The following IDO2 variants were observed in gnomAD, a reference collection of about 807,000 sequenced individuals.
IDO2 encodes the protein indoleamine 2,3-dioxygenase-like 1 protein.
Under a neutral mutation model 45.1 loss-of-function variants are expected in IDO2, and 46 were observed. That is an observed-to-expected ratio of 1.02 (90% CI 0.80 to 1.30). The LOEUF (loss-of-function observed/expected upper bound fraction) is 1.30, where lower values mean the gene tolerates loss of function less well. Among genes scored for constraint, IDO2 ranks in the 50% most tolerant of loss-of-function variants. The pLI, the probability that IDO2 is intolerant of heterozygous loss-of-function variation, is 0.00. For missense variants in IDO2, 544 were observed against 491.8 expected (o/e 1.11, Z -1.00); for synonymous variants, 218 against 184.9 (o/e 1.18, Z -1.45).
chr8:40,011,448 TC>T (rs1172607958), intron 9 of IDO2, among the ~76,000 whole-genome samples: 1 of 152,192 alleles, frequency 6.6e-6, no homozygotes, highest in Non-Finnish European at 1.5e-5. Context: ...TCATGTTTCT[TC>T]CCCATAAAAT....
intron 8 of IDO2, among the ~76,000 whole-genome samples, chr8:39,995,454 G>T (rs1052808285): frequency 6.6e-6 from 1 of 151,220 alleles, no homozygotes; most frequent in East Asian, 2.0e-4. Flanking sequence ...ATAATTTTTT[G>T]TATTTTTACT....
intron 3 of IDO2, among the ~76,000 whole-genome samples, chr8:39,969,458 T>TC (rs1165338704): frequency 1.3e-5 from 2 of 152,052 alleles, no homozygotes; most frequent in Admixed American, 6.6e-5. Flanking sequence ...CCCATCTCTC[T>TC]CCCCCTCCTC....
At chr8:39,982,187 T>TCTG (rs1256327075) in intron 4 of IDO2, among the ~76,000 whole-genome samples, 2 of 151,716 alleles carry the variant, frequency 1.3e-5, no homozygotes, top group African/African-American at 4.8e-5. Context: ...CTAGCTATCA[T>TCTG]CTCTCTATCA....
chr8:39,971,620 C>T (rs1585405661), intron 3 of IDO2, among the ~76,000 whole-genome samples: 2 of 152,140 alleles, frequency 1.3e-5, no homozygotes, highest in South Asian at 4.1e-4. Flanking sequence ...ATTCATGATT[C>T]ATGGAGGACG....
intron 3 of IDO2, among the ~76,000 whole-genome samples, chr8:39,978,556 G>C (rs1286684419): frequency 2.0e-5 from 3 of 152,096 alleles, no homozygotes; most frequent in African/African-American, 7.2e-5. Flanking sequence ...GGGGGTGGAG[G>C]GGGTGTGAAA....
intron 1 of IDO2, among the ~76,000 whole-genome samples, chr8:39,942,573 G>C (rs1486052598): frequency 2.0e-5 from 3 of 152,036 alleles, no homozygotes; most frequent in Non-Finnish European, 4.4e-5. Context: ...CTGGGAGGTA[G>C]AGGTTTCAGT....
intron 8 of IDO2, among the ~76,000 whole-genome samples, chr8:39,994,303 G>T (rs1801996958): frequency 6.6e-6 from 1 of 150,744 alleles, no homozygotes; most frequent in Non-Finnish European, 1.5e-5. Flanking sequence ...TGTTGCCCAG[G>T]CTGGGGTGCG....
intron 2 of IDO2, among the ~76,000 whole-genome samples, chr8:39,962,379 A>G (rs565743938): frequency 6.6e-5 from 10 of 152,328 alleles, no homozygotes; most frequent in Middle Eastern, 3.4e-3. Flanking sequence ...CTGACTTTAT[A>G]TCTTAAAGTC....
At chr8:39,944,083 C>T (rs574590964) in intron 1 of IDO2, among the ~76,000 whole-genome samples, 5 of 142,830 alleles carry the variant, frequency 3.5e-5, no homozygotes, top group Admixed American at 3.4e-4. Flanking sequence ...CTGGGAGCTT[C>T]CTGCTTTTTT....
chr8:39,965,895 TG>T (rs1808077509), intron 3 of IDO2, among the ~76,000 whole-genome samples: 2 of 53,660 alleles, frequency 3.7e-5, no homozygotes, highest in Non-Finnish European at 1.2e-4. Context: ...TACCTTAATT[TG>T]GGACTTCTAT....
intron 1 of IDO2, among the ~76,000 whole-genome samples, chr8:39,942,723 TC>T (rs1405793586): frequency 6.6e-6 from 1 of 152,206 alleles, no homozygotes; most frequent in East Asian, 1.9e-4. Flanking sequence ...GATGCCAGCT[TC>T]CAGGAATACA....
intron 1 of IDO2, among the ~76,000 whole-genome samples, chr8:39,936,515 A>G (rs969161512): frequency 1.3e-5 from 2 of 152,208 alleles, no homozygotes; most frequent in African/African-American, 4.8e-5. Flanking sequence ...GGACTTAAGA[A>G]CAGAAGCCAT....
chr8:39,951,281 T>A (rs1213313854), intron 2 of IDO2, among the ~76,000 whole-genome samples: 1 of 150,906 alleles, frequency 6.6e-6, no homozygotes, highest in Non-Finnish European at 1.5e-5. Context: ...CAAGATTTTT[T>A]TTTTTTTTTT....
At chr8:39,988,279 A>G (rs1341254157) in intron 7 of IDO2, among the ~76,000 whole-genome samples, 1 of 152,172 alleles carries the variant, frequency 6.6e-6, no homozygotes, top group Admixed American at 6.5e-5. Context: ...GATACAGTGG[A>G]TGAAGATGGA....
chr8:39,968,077 C>A (rs78136765), intron 3 of IDO2, among the ~76,000 whole-genome samples: 16 of 91,864 alleles, frequency 1.7e-4, no homozygotes, highest in African/African-American at 9.0e-4. Context: ...TTCATAATCA[C>A]CAAAAAAAAA....
intron 2 of IDO2, among the ~76,000 whole-genome samples, chr8:39,962,212 G>T (rs929302281): frequency 6.6e-6 from 1 of 152,172 alleles, no homozygotes; most frequent in Non-Finnish European, 1.5e-5. Flanking sequence ...TATTGGGCTA[G>T]TGATTTTCTT....
At chr8:39,957,085 A>G (rs567066505) in intron 2 of IDO2, among the ~76,000 whole-genome samples, 2 of 151,982 alleles carry the variant, frequency 1.3e-5, no homozygotes, top group East Asian at 3.9e-4. Flanking sequence ...AAATAAAATA[A>G]ATAAATAATC....
At chr8:40,008,254 C>T (rs1021185582) in intron 9 of IDO2, among the ~76,000 whole-genome samples, 7 of 152,080 alleles carry the variant, frequency 4.6e-5, no homozygotes, top group African/African-American at 1.7e-4. Flanking sequence ...CCATGTTGGC[C>T]AGGCTGGTCT....
rs553054357 is a variant in IDO2, at chr8:39,980,101, G to A, written c.315+915G>A. 2.7e-4 allele frequency among the ~76,000 whole-genome samples: 41 copies of A among 152,286 alleles called. No homozygotes were observed. In the South Asian group the frequency reaches 7.2e-3, roughly 27 times the overall value. On this transcript the variant is annotated intron_variant, in intron 4 of 10. Transcript: ENST00000502986. ...TGCCTCCTGTGCTGGGATTACAGGC[G>A]TGAGCCACCATGCCGGGCCTGAAGA...
Sources: gnomAD v4.1 joint callset for allele counts (sites outside exome capture counted in the v4.1 genomes callset) on GRCh38, gnomAD v4.1.1 for gene constraint, MANE v1.5 for transcripts, NCBI Gene and HGNC (gene_info 2026-07-23, HGNC 2026-07-21) for gene names.